Variants in GLB1 observed in about 807,000 individuals in gnomAD.
GLB1 encodes beta-galactosidase.
A neutral mutation model predicts 74.0 loss-of-function variants in GLB1; 56 were observed. That is an observed-to-expected ratio of 0.76 (90% CI 0.61 to 0.94). GLB1 has a LOEUF of 0.94. Among genes scored for constraint, GLB1 ranks in the 40% least tolerant of loss-of-function variants. The pLI, the probability that GLB1 is intolerant of heterozygous loss-of-function variation, is 0.00. For missense variants in GLB1, 787 were observed against 845.5 expected, an observed-to-expected ratio of 0.93 and a Z score of 0.86; for synonymous variants, 323 against 323.6, an observed-to-expected ratio of 1.00 and a Z score of 0.02.
chr3:33,068,218 G>T lies in GLB1; in HGVS notation c.457+12C>A, dbSNP rs751691878. 1 of 1,613,926 alleles carries T rather than the reference G, an allele frequency of 6.2e-7. No individual in the cohort carries two copies. Among genetic ancestry groups the T allele is most frequent in the African/African-American group, 1.3e-5 (1 of 74,922 alleles). On this transcript the variant is annotated intron_variant, in intron 4 of 15. Coordinates refer to ENST00000307363, the MANE Select transcript of GLB1 (RefSeq NM_000404.4). The stretch of plus-strand genomic sequence containing the variant: ...TTTTATAAATCTTCTCAAGACATCT[G>T]TAACAACCTACCTGGGTCGGAGGAG...
rs55785242 is a variant in GLB1 at position 33,059,244 on chromosome 3, TACACACACACACACAC to T, written c.553-991_553-976del. The stretch of plus-strand genomic sequence containing the variant: ...AATTATTCCTTATTTATATAAAACA[TACACACACACACACAC>T]ACACACACACACACACACACACACA... On this transcript the variant is annotated intron_variant, in intron 5 of 15. Transcript: ENST00000307363. 2.4e-3 allele frequency among the ~76,000 whole-genome samples: 353 copies of T among 144,466 alleles called. 6 individuals carry two copies. In the East Asian group the frequency reaches 0.028, roughly 11 times the overall value. 94.8% of individuals were successfully genotyped at this position (144,466 alleles called of 152,430 possible). A position where few individuals can be genotyped will look rare whatever the true frequency, so the allele number is the denominator to read the frequency against.
chr3:33,020,366 G>T (rs1459261234), intron 12 of GLB1, among the ~76,000 whole-genome samples: 2 of 152,170 alleles, frequency 1.3e-5, no homozygotes, highest in Non-Finnish European at 2.9e-5. Context: ...AATCAGAAAG[G>T]AGGACGTGGA....
intron 1 of GLB1, among the ~76,000 whole-genome samples, chr3:33,076,310 T>C (rs1213000470): frequency 2.6e-5 from 4 of 152,254 alleles, no homozygotes; most frequent in South Asian, 4.1e-4. Context: ...AGCCTCAATA[T>C]AGTTGAAACA....
At chr3:32,972,579 T>C in the GLB1 span, among the ~76,000 whole-genome samples, 3 of 152,178 alleles carry the variant, frequency 2.0e-5, no homozygotes, top group African/African-American at 7.2e-5. Context: ...TTAGTAGTAT[T>C]CAGTCAACTA....
At chr3:33,054,004 C>T (rs1409830150) in intron 6 of GLB1, among the ~76,000 whole-genome samples, 2 of 151,678 alleles carry the variant, frequency 1.3e-5, no homozygotes, top group Non-Finnish European at 2.9e-5. Flanking sequence ...CAGAGTGACA[C>T]TCCATCTCAA....
Position 33,070,695 on chromosome 3 carries a change from A to G in GLB1, c.246-1725T>C, listed in dbSNP as rs113590310. Reference sequence around the variant, plus strand: ...CTCATCTCTAAAAACAAAGCAAAACAAAAAAATTAGCTGGTGTGGTAGCAG... The same window carrying G: ...CTCATCTCTAAAAACAAAGCAAAACGAAAAAATTAGCTGGTGTGGTAGCAG... On this transcript the variant is annotated intron_variant, in intron 2 of 15. Transcript: ENST00000307363. 1.7e-3 allele frequency among the ~76,000 whole-genome samples: 255 copies of G among 152,214 alleles called. 1 individual carries two copies. The highest frequency in any genetic ancestry group is 5.8e-3 in the African/African-American group (241 of 41,532).
chr3:33,072,483 G>A (rs1316752603), intron 2 of GLB1, 61 bp downstream of exon 2: 18 of 1,607,344 alleles, frequency 1.1e-5, no homozygotes, highest in Non-Finnish European at 1.5e-5. Flanking sequence ...AAATACAGTT[G>A]TATCTTCTCT....
chr3:33,052,469 T>C (rs1186014331), intron 7 of GLB1, among the ~76,000 whole-genome samples: 1 of 152,078 alleles, frequency 6.6e-6, no homozygotes, highest in African/African-American at 2.4e-5. Flanking sequence ...CCATCTCAAC[T>C]AAAAATACAA....
chr3:33,064,237 G>A (rs887345220), intron 5 of GLB1, among the ~76,000 whole-genome samples: 1 of 150,842 alleles, frequency 6.6e-6, no homozygotes, highest in Non-Finnish European at 1.5e-5. Context: ...TCAGGAGTTT[G>A]AGACCAGCCT....
intron 10 of GLB1, among the ~76,000 whole-genome samples, chr3:33,040,589 C>CAA (rs1559395478): frequency 1.1e-4 from 2 of 17,420 alleles, no homozygotes; most frequent in Non-Finnish European, 6.6e-3. Context: ...TCAGCCTGGG[C>CAA]GAGAGTGAAA....
the GLB1 span, among the ~76,000 whole-genome samples, chr3:32,970,353 G>T: frequency 6.6e-6 from 1 of 152,050 alleles, no homozygotes; most frequent in Non-Finnish European, 1.5e-5. Flanking sequence ...CTGGGTATTT[G>T]CCCTATGAGA....
the GLB1 span, among the ~76,000 whole-genome samples, chr3:32,982,643 T>G: frequency 6.6e-6 from 1 of 152,170 alleles, no homozygotes; most frequent in African/African-American, 2.4e-5. Flanking sequence ...TCTTATGAGG[T>G]CCAATAACCA....
At chr3:32,984,244 C>G in the GLB1 span, among the ~76,000 whole-genome samples, 1 of 152,000 alleles carries the variant, frequency 6.6e-6, no homozygotes, top group African/African-American at 2.4e-5. Context: ...CATCAAGGTA[C>G]TTGTCCCTAC....
Position 33,064,441 on chromosome 3 carries a change from T to TAAAAAAAA in GLB1, c.552+1014_552+1021dup, listed in dbSNP as rs35553546. 2.2e-3 allele frequency among the ~76,000 whole-genome samples: 237 copies of TAAAAAAAA among 108,720 alleles called. 7 individuals carry two copies. The highest frequency in any genetic ancestry group is 0.02 in the Admixed American group (186 of 9,454). The allele number at this position is 108,720 out of a possible 152,430, so 71.3% of individuals were successfully genotyped here. On this transcript the variant is annotated intron_variant, in intron 5 of 15. Coordinates refer to ENST00000307363, the MANE Select transcript of GLB1 (RefSeq NM_000404.4). ...GGCGACAGAGCGAGACTCTGTCTCC[T>TAAAAAAAA]AAAAAAAAAAACAAAAAACCTTTAC...
In GLB1 at chr3:33,093,502, T is replaced by A; in HGVS notation, c.75+3509A>T. On this transcript the variant is annotated intron_variant, in intron 1 of 15. Coordinates refer to ENST00000307363, the MANE Select transcript of GLB1 (RefSeq NM_000404.4). This position sits in a 1 kb window ranked among gnomAD's most constrained non-coding sequence, Gnocchi z 6.0. ...ATGTCTGGTTCCAGCACATTCACCA[T>A]CCTCACAAACATTTCCATCTTGGTC... 6.2e-7 allele frequency: 1 copy of A among 1,614,186 alleles called. No individual in the cohort carries two copies. The highest frequency in any genetic ancestry group is 1.1e-5 in the South Asian group (1 of 91,082).
At chr3:33,059,522 C>T (rs1294940769) in intron 5 of GLB1, among the ~76,000 whole-genome samples, 1 of 152,172 alleles carries the variant, frequency 6.6e-6, no homozygotes, top group African/African-American at 2.4e-5. Flanking sequence ...AAAATACATA[C>T]AGTACAATCC....
chr3:33,093,248 A>G lies in GLB1; in HGVS notation c.75+3763T>C, dbSNP rs1038964045. The G allele has an allele frequency of 6.2e-7, 1 of 1,613,860 alleles. No individual in the cohort carries two copies. The highest frequency in any genetic ancestry group is 8.5e-7 in the Non-Finnish European group (1 of 1,179,940). On this transcript the variant is annotated intron_variant, in intron 1 of 15. Coordinates refer to ENST00000307363, the MANE Select transcript of GLB1 (RefSeq NM_000404.4). This position sits in a 1 kb window ranked among gnomAD's most constrained non-coding sequence, Gnocchi z 6.0. ...CCTCACTCCCACTGCCACTGCCACC[A>G]CCACCACGTTGGGCCCGTGTGGCGG... is the stretch of plus-strand genomic sequence containing the variant.
In GLB1 at chr3:33,093,794, G is replaced by T. The variant is rs1310746327; in HGVS notation, c.75+3217C>A. On this transcript the variant is annotated intron_variant, in intron 1 of 15. Coordinates refer to ENST00000307363, the MANE Select transcript of GLB1 (RefSeq NM_000404.4). The surrounding 1 kb of genome is among the most constrained non-coding windows in gnomAD (Gnocchi z 6.0). ...GGTAGGCCTGCTCCATGCCGCTGAG[G>T]ATGAAGAGGAAGAAGAGCATGATGA... 1.2e-6 allele frequency: 2 copies of T among 1,613,456 alleles called. No homozygotes were observed. Among genetic ancestry groups the T allele is most frequent in the African/African-American group, 2.7e-5 (2 of 75,040 alleles).
chr3:33,006,427 C>T (rs116170366), intron 15 of GLB1, among the ~76,000 whole-genome samples: 181 of 152,192 alleles, frequency 1.2e-3, no homozygotes, highest in African/African-American at 4.2e-3. Context: ...CACCCCCCCA[C>T]CCCTGACCAC....
Sources: allele counts gnomAD v4.1 joint callset (sites outside exome capture counted in the v4.1 genomes callset), GRCh38; gene constraint gnomAD v4.1.1; non-coding constraint Gnocchi (gnomAD v3.1); transcripts MANE v1.5; gene names NCBI Gene and HGNC (gene_info 2026-07-23, HGNC 2026-07-21).